The following TASP1 variants were observed in gnomAD, a reference collection of about 807,000 sequenced individuals.
The protein encoded by TASP1 is threonine aspartase 1.
Under a neutral mutation model 56.6 loss-of-function variants are expected in TASP1, and 16 were observed. The observed-to-expected ratio is 0.28, with a 90% CI of 0.19 to 0.43. The LOEUF (loss-of-function observed/expected upper bound fraction) is 0.43, where lower values mean the gene tolerates loss of function less well. TASP1 is among the 20% of genes least tolerant of loss of function. The pLI, the probability that TASP1 is intolerant of heterozygous loss-of-function variation, is 1.00. For missense variants in TASP1, 393 were observed against 511.6 expected (o/e 0.77, Z 2.24); for synonymous variants, 179 against 184.2 (o/e 0.97, Z 0.23).
the TASP1 span, among the ~76,000 whole-genome samples, chr20:13,289,672 A>AG: frequency 1.0e-5 from 1 of 96,270 alleles, no homozygotes; most frequent in Non-Finnish European, 2.3e-5. Flanking sequence ...GAGGAGGAGG[A>AG]GGGGGAGGAG....
chr20:13,499,428 AC>A (rs2146631035), intron 10 of TASP1, among the ~76,000 whole-genome samples: 1 of 151,374 alleles, frequency 6.6e-6, no homozygotes, highest in East Asian at 1.9e-4. Flanking sequence ...CTGCACACGT[AC>A]CCCCTGAATC....
intron 10 of TASP1, among the ~76,000 whole-genome samples, chr20:13,526,523 A>C (rs1332831369): frequency 6.6e-6 from 1 of 152,222 alleles, no homozygotes; most frequent in Non-Finnish European, 1.5e-5. Context: ...AAAATTTAAA[A>C]TTAACTCATA....
chr20:13,121,647 T>A, the TASP1 span, among the ~76,000 whole-genome samples: 1 of 152,054 alleles, frequency 6.6e-6, no homozygotes, highest in Non-Finnish European at 1.5e-5. Context: ...ACCTCTTAAC[T>A]CATGGCTCAT....
intron 11 of TASP1, among the ~76,000 whole-genome samples, chr20:13,438,078 C>T (rs1433571578): frequency 2.0e-5 from 3 of 152,004 alleles, no homozygotes; most frequent in Non-Finnish European, 2.9e-5. Context: ...AGATTCAATG[C>T]CCAAGGTAAT....
intron 13 of TASP1, among the ~76,000 whole-genome samples, chr20:13,396,664 A>G (rs144750382): frequency 7.2e-5 from 11 of 152,328 alleles, no homozygotes; most frequent in African/African-American, 2.2e-4. Context: ...AATAGGCCAG[A>G]GCAATTTGAA....
At chr20:13,554,518 G>GA (rs33956075) in intron 8 of TASP1, among the ~76,000 whole-genome samples, 113,067 of 151,614 alleles carry the variant, frequency 0.75, 43,024 homozygotes, top group African/African-American at 0.91. Flanking sequence ...TACTTTAAAA[G>GA]AAAAAAAATC....
At chr20:13,437,482 C>T (rs1012287192) in intron 11 of TASP1, among the ~76,000 whole-genome samples, 7 of 152,176 alleles carry the variant, frequency 4.6e-5, no homozygotes, top group African/African-American at 1.7e-4. Flanking sequence ...CACTTCTATT[C>T]AACATAGTGT....
At chr20:13,489,676 T>C (rs2043453406) in intron 10 of TASP1, among the ~76,000 whole-genome samples, 1 of 152,166 alleles carries the variant, frequency 6.6e-6, no homozygotes, top group Non-Finnish European at 1.5e-5. Context: ...GGTTTTCTAA[T>C]TTAAGTTTAA....
intron 11 of TASP1, among the ~76,000 whole-genome samples, chr20:13,475,804 G>A (rs950894601): frequency 6.6e-6 from 1 of 152,128 alleles, no homozygotes; most frequent in South Asian, 2.1e-4. Flanking sequence ...GCTGAGGCAG[G>A]AGAATCACTT....
intron 11 of TASP1, among the ~76,000 whole-genome samples, chr20:13,455,063 TAAAAC>T (rs2043777059): frequency 6.6e-6 from 1 of 152,022 alleles, no homozygotes; most frequent in African/African-American, 2.4e-5. Context: ...GTCTAATAAA[TAAAAC>T]AAAAATAAGG....
intron 6 of TASP1, 49 bp from the exon 7 acceptor site, chr20:13,569,635 A>G (rs752283775): frequency 2.0e-5 from 30 of 1,486,112 alleles, no homozygotes; most frequent in Non-Finnish European, 2.7e-5. Context: ...ATCTTCTCCT[A>G]CATATTCAAT....
chr20:13,571,443 A>G (rs1601292423), intron 6 of TASP1, among the ~76,000 whole-genome samples: 1 of 152,332 alleles, frequency 6.6e-6, no homozygotes, highest in East Asian at 1.9e-4. Context: ...ACTTTTAGAA[A>G]AGGTTCACGC....
the TASP1 span, among the ~76,000 whole-genome samples, chr20:13,364,546 T>C: frequency 6.6e-6 from 1 of 152,078 alleles, no homozygotes; most frequent in Non-Finnish European, 1.5e-5. Context: ...GATAGACAGA[T>C]AGTCAAGGTC....
chr20:13,406,740 C>G (rs112220296), intron 13 of TASP1, among the ~76,000 whole-genome samples: 1 of 148,968 alleles, frequency 6.7e-6, no homozygotes, highest in Non-Finnish European at 1.5e-5. Flanking sequence ...GATCTCTGCT[C>G]ACTACAAGCT....
At chr20:13,603,802 T>C (rs1762660621) in intron 4 of TASP1, among the ~76,000 whole-genome samples, 1 of 152,212 alleles carries the variant, frequency 6.6e-6, no homozygotes, top group Non-Finnish European at 1.5e-5. Flanking sequence ...TTCCCTGAAC[T>C]ACTTTTCAAC....
At chr20:13,256,074 C>T in the TASP1 span, among the ~76,000 whole-genome samples, 1 of 152,006 alleles carries the variant, frequency 6.6e-6, no homozygotes, top group Non-Finnish European at 1.5e-5. Context: ...GTGTCCTGGG[C>T]CCTGGCTTGT....
intron 11 of TASP1, among the ~76,000 whole-genome samples, chr20:13,475,369 T>C (rs1241619052): frequency 6.6e-6 from 1 of 152,164 alleles, no homozygotes; most frequent in Non-Finnish European, 1.5e-5. Context: ...TTGGTGGACA[T>C]TACAGTTCTT....
intron 7 of TASP1, among the ~76,000 whole-genome samples, chr20:13,561,181 T>C (rs1488525508): frequency 6.6e-6 from 1 of 152,204 alleles, no homozygotes; most frequent in Non-Finnish European, 1.5e-5. Context: ...TCATTTTTAC[T>C]GGACCTACCC....
At chr20:13,270,508 AC>A in the TASP1 span, 1 of 1,612,168 alleles carries the variant, frequency 6.2e-7, no homozygotes, top group Non-Finnish European at 8.5e-7. Context: ...TTTTAGAATA[AC>A]CTCAACGTGG....
Sources: gnomAD v4.1 joint callset for allele counts (sites outside exome capture counted in the v4.1 genomes callset) on GRCh38, gnomAD v4.1.1 for gene constraint, MANE v1.5 for transcripts, NCBI Gene and HGNC (gene_info 2026-07-23, HGNC 2026-07-21) for gene names.